BRWD1: variants seen among roughly 807,000 people sequenced by gnomAD.
The protein encoded by BRWD1 is bromodomain and WD repeat-containing protein 1.
Under a neutral mutation model 251.2 loss-of-function variants are expected in BRWD1, and 82 were observed. That is an observed-to-expected ratio of 0.33 (90% CI 0.27 to 0.39). BRWD1 has a LOEUF of 0.39. Ranked by LOEUF, BRWD1 falls within the 10% of genes least tolerant of loss-of-function variation. BRWD1 has a pLI of 1.00. For synonymous variants in BRWD1, 918 were observed against 902.8 expected, an observed-to-expected ratio of 1.02 and a Z score of -0.30; for missense variants, 2,233 against 2,711.6, an observed-to-expected ratio of 0.82 and a Z score of 3.92.
At chr21:39,260,936 C>T (rs1002726911) in intron 17 of BRWD1, among the ~76,000 whole-genome samples, 2 of 152,112 alleles carry the variant, frequency 1.3e-5, no homozygotes, top group African/African-American at 4.8e-5. Flanking sequence ...AATACTGATA[C>T]GTGGCCGGGC....
chr21:39,308,415 G>C (rs1321393341), intron 4 of BRWD1, among the ~76,000 whole-genome samples: 2 of 147,922 alleles, frequency 1.4e-5, no homozygotes, highest in Non-Finnish European at 3.0e-5. Flanking sequence ...CTGTGAGGCA[G>C]AGGTTGCAGT....
At chr21:39,238,285 C>CA (rs58179212) in intron 22 of BRWD1, among the ~76,000 whole-genome samples, 194 bp downstream of exon 22, 1,377 of 122,324 alleles carry the variant, frequency 0.011, 10 homozygotes, top group Non-Finnish European at 0.015. Flanking sequence ...TGCTTAAAGT[C>CA]AAAAAAAAAA....
chr21:39,217,066 TATATATATATATATATA>T (rs2032963561), intron 31 of BRWD1: 5 of 55,846 alleles, frequency 9.0e-5, no homozygotes, highest in Non-Finnish European at 1.1e-4. Flanking sequence ...TATATATATA[TATATATATATATATATA>T]TTTTTTTTTT....
At chr21:39,219,466 C>T (rs1267766921) in intron 29 of BRWD1, 5 of 152,000 alleles carry the variant, frequency 3.3e-5, no homozygotes, top group South Asian at 2.1e-4. Flanking sequence ...AATATTTTAG[C>T]TTATTGAATA....
At chr21:39,247,125 T>A (rs1232347737) in intron 21 of BRWD1, among the ~76,000 whole-genome samples, 1 of 149,834 alleles carries the variant, frequency 6.7e-6, no homozygotes, top group Admixed American at 6.6e-5. Context: ...AACAGGCAAA[T>A]GCAGAAAAAG....
chr21:39,225,709 A>C (rs1396588796), intron 27 of BRWD1, among the ~76,000 whole-genome samples: 1 of 152,208 alleles, frequency 6.6e-6, no homozygotes, highest in East Asian at 1.9e-4. Context: ...GTATGCTTAC[A>C]GTGAATTCTT....
intron 4 of BRWD1, among the ~76,000 whole-genome samples, chr21:39,309,537 C>A (rs900679512): frequency 6.6e-6 from 1 of 151,920 alleles, no homozygotes; most frequent in African/African-American, 2.4e-5. Context: ...AAAAGACACC[C>A]AGGGAGGCCG....
chr21:39,271,415 C>A lies in BRWD1; in HGVS notation c.1245-982G>T, dbSNP rs2035097775. ...TAAGAAATTACAAGCATCGGCCGGG[C>A]ACGGTGGCTCATGCCTGTAATCCCA... is the stretch of plus-strand genomic sequence containing the variant. On this transcript the variant is annotated intron_variant, in intron 13 of 40. Coordinates refer to ENST00000342449, the MANE Select transcript of BRWD1 (RefSeq NM_033656.4). 2.0e-5 allele frequency among the ~76,000 whole-genome samples: 3 copies of A among 152,078 alleles called. No individual in the cohort carries two copies. In the South Asian group the frequency reaches 6.2e-4, roughly 32 times the overall value.
In BRWD1 at chr21:39,193,182, A is replaced by G. The variant is rs2031642348; in HGVS notation, c.*3077T>C. The G allele has an allele frequency of 2.0e-6, 2 of 984,810 alleles. No individual in the cohort carries two copies. The highest frequency in any genetic ancestry group is 1.7e-5 in the African/African-American group (1 of 57,278). The allele number at this position is 984,810 out of a possible 1,614,324, so 61.0% of individuals were successfully genotyped here. ...TTGCCTCCATTTTCTTATAAACCCA[A>G]TTTCCTCTTTAGGTGCAGCTCTACT... is the stretch of plus-strand genomic sequence containing the variant. On this transcript the variant is annotated 3_prime_UTR_variant, in exon 41 of 41. Coordinates refer to ENST00000342449, the MANE Select transcript of BRWD1 (RefSeq NM_033656.4).
intron 36 of BRWD1, among the ~76,000 whole-genome samples, chr21:39,208,504 A>T (rs1194346291): frequency 2.0e-5 from 3 of 152,178 alleles, no homozygotes; most frequent in Non-Finnish European, 2.9e-5. Flanking sequence ...GACACCAAAA[A>T]ATGTTGTAAG....
At chr21:39,268,856 C>A (rs1416680008) in intron 15 of BRWD1, among the ~76,000 whole-genome samples, 1 of 151,978 alleles carries the variant, frequency 6.6e-6, no homozygotes, top group East Asian at 1.9e-4. Context: ...GGTTTGGTGG[C>A]GGGTGCCTGT....
chr21:39,187,708 T>C lies in BRWD1; in HGVS notation c.*8551A>G. The C allele has an allele frequency of 1.0e-6, 1 of 985,266 alleles. No homozygotes were observed. The highest frequency in any genetic ancestry group is 1.2e-6 in the Non-Finnish European group (1 of 829,818). 61.0% of individuals were successfully genotyped at this position (985,266 alleles called of 1,614,324 possible). On this transcript the variant is annotated 3_prime_UTR_variant, in exon 41 of 41. Coordinates refer to ENST00000342449, the MANE Select transcript of BRWD1 (RefSeq NM_033656.4). ...AAAGCTGCTAATCTAAAAACATATA[T>C]ATGAGCATTTTACATAATTTGAATT...
Position 39,202,496 on chromosome 21 carries a change from A to T in BRWD1, c.4414T>A (p.Leu1472Met), listed in dbSNP as rs761866642. Residue 1472 changes from leucine (L) to methionine (M), a missense_variant, in exon 38 of 41, where the codon TTG becomes ATG. Around this residue, in one of 12 missense-constraint regions of BRWD1, gnomAD observed 928 missense variants for 970.0 expected, o/e 0.96. Coordinates refer to ENST00000342449, the MANE Select transcript of BRWD1 (RefSeq NM_033656.4). ...GTAGACTGGGTAGGAGAACCTACCA[A>T]CTCAGGAATTATTTTTGTCTGAGAT... ...LKSQTKIIPE[L>M]VGSPTQSTSS... The T allele has an allele frequency of 1.9e-6, 3 of 1,613,704 alleles. No homozygotes were observed. Among genetic ancestry groups the T allele is most frequent in the Non-Finnish European group, 2.5e-6 (3 of 1,179,642 alleles).
chr21:39,251,127 T>G (rs2034379419), intron 19 of BRWD1, among the ~76,000 whole-genome samples: 3 of 152,212 alleles, frequency 2.0e-5, no homozygotes, highest in Non-Finnish European at 4.4e-5. Context: ...TGATTGGTAC[T>G]ATCAGGACCA....
rs765561864 is a variant in BRWD1 at position 39,247,687 on chromosome 21, A to G, written c.2481+14T>C. The G allele has an allele frequency of 9.4e-6, 15 of 1,589,490 alleles. No individual in the cohort carries two copies. Among genetic ancestry groups the G allele is most frequent in the Non-Finnish European group, 1.3e-5 (15 of 1,171,196 alleles). Reference sequence around the variant, plus strand: ...TTAAGATTATCTTATAACATTTTAAAGTTTTCCACTCACATGTCTTACAGA... The same window carrying G: ...TTAAGATTATCTTATAACATTTTAAGGTTTTCCACTCACATGTCTTACAGA... On this transcript the variant is annotated intron_variant, in intron 21 of 40. Coordinates refer to ENST00000342449, the MANE Select transcript of BRWD1 (RefSeq NM_033656.4).
At chr21:39,255,511 T>C in intron 19 of BRWD1, 134 bp downstream of exon 19, 1 of 720,410 alleles carries the variant, frequency 1.4e-6, no homozygotes, top group South Asian at 2.3e-5. Context: ...ACAATTAAGA[T>C]AGTAAGATTC....
At chr21:39,202,647 G>T in intron 37 of BRWD1, 102 bp from the exon 38 acceptor site, 1 of 745,792 alleles carries the variant, frequency 1.3e-6, no homozygotes, top group Non-Finnish European at 2.1e-6. Flanking sequence ...TTCTTAAACT[G>T]AGAGTAATTT....
chr21:39,246,384 G>C (rs1029912886), intron 21 of BRWD1, among the ~76,000 whole-genome samples: 1 of 152,200 alleles, frequency 6.6e-6, no homozygotes, highest in Non-Finnish European at 1.5e-5. Context: ...AGGATGTAGA[G>C]AAACTGGAAC....
intron 36 of BRWD1, among the ~76,000 whole-genome samples, chr21:39,208,658 C>T (rs544503238): frequency 1.3e-5 from 2 of 152,080 alleles, no homozygotes; most frequent in East Asian, 3.9e-4. Flanking sequence ...GTTCAAGTGG[C>T]TCTCATGCCT....
Sources: gnomAD v4.1 joint callset for allele counts (sites outside exome capture counted in the v4.1 genomes callset) on GRCh38, gnomAD v4.1.1 for gene constraint, gnomAD v4.1.1 regional missense constraint, MANE v1.5 for transcripts, NCBI Gene and HGNC (gene_info 2026-07-23, HGNC 2026-07-21) for gene names.